IFNAR1: variants seen among roughly 807,000 people sequenced by gnomAD.
IFNAR1 encodes interferon alpha/beta receptor 1.
A neutral mutation model predicts 62.1 loss-of-function variants in IFNAR1; 47 were observed. The ratio of observed to expected loss-of-function variants is 0.76; its 90% confidence interval spans 0.60 to 0.97. The LOEUF is 0.97. IFNAR1 is among the 50% of genes least tolerant of loss of function. The pLI is 0.00. For synonymous variants in IFNAR1, 219 were observed against 226.9 expected (o/e 0.97, Z 0.31); for missense variants, 638 against 654.5 (o/e 0.97, Z 0.27).
At chr21:33,342,789 G>A (rs1462337046) in intron 3 of IFNAR1, among the ~76,000 whole-genome samples, 14 of 151,438 alleles carry the variant, frequency 9.2e-5, no homozygotes, top group Non-Finnish European at 1.5e-4. Context: ...CCCGGGAGGC[G>A]GAGCTTGCAG....
chr21:33,328,519 CA>C lies in IFNAR1; in HGVS notation c.76+3396del, dbSNP rs962920201. ...TTTACGTAACTATCTACTTTTTCCCCAAAAAAAATCATGTTGAAAACTCAAG... is the reference window on the plus strand; with the variant it reads ...TTTACGTAACTATCTACTTTTTCCCCAAAAAAATCATGTTGAAAACTCAAG... On this transcript the variant is annotated intron_variant, in intron 1 of 10. Transcript: ENST00000270139. 3.1e-4 allele frequency among the ~76,000 whole-genome samples: 47 copies of C among 151,736 alleles called. No individual in the cohort carries two copies. The East Asian group carries it at 8.5e-3, about 27-fold the overall frequency.
intron 2 of IFNAR1, among the ~76,000 whole-genome samples, chr21:33,335,918 T>C (rs1476433826): frequency 2.0e-5 from 3 of 150,348 alleles, no homozygotes; most frequent in African/African-American, 7.3e-5. Flanking sequence ...CCAGCTTCTT[T>C]TTTTTTTTTT....
intron 1 of IFNAR1, 88 bp downstream of exon 1, chr21:33,325,219 C>CAG: frequency 8.8e-7 from 1 of 1,130,520 alleles, no homozygotes; most frequent in Admixed American, 2.0e-5. Flanking sequence ...TTGGGGGCGA[C>CAG]AGACGCCCAG....
intron 3 of IFNAR1, among the ~76,000 whole-genome samples, chr21:33,341,813 C>G (rs571445483): frequency 2.3e-3 from 348 of 152,232 alleles, no homozygotes; most frequent in African/African-American, 8.0e-3. Flanking sequence ...TCCCGAGTAC[C>G]TGGGATTACC....
rs2083112012 is a variant in IFNAR1, at chr21:33,325,054, A to AGAT, written c.4_6dup. On this transcript the variant is annotated 5_prime_UTR_variant, in exon 1 of 11. It adds an upstream start codon to the 5' untranslated region. Coordinates refer to ENST00000270139, the MANE Select transcript of IFNAR1 (RefSeq NM_000629.3). ...ACTGGTGGGATCTGCGGCGGCTCCC[A>AGAT]GATGATGGTCGTCCTCCTGGGCGCG... 1 of 1,601,122 alleles carries AGAT rather than the reference A, an allele frequency of 6.2e-7. No individual in the cohort carries two copies. Among genetic ancestry groups the AGAT allele is most frequent in the African/African-American group, 1.3e-5 (1 of 74,764 alleles).
chr21:33,324,726 T>C (rs1014485473), upstream of IFNAR1: 3 of 355,902 alleles, frequency 8.4e-6, no homozygotes, highest in Non-Finnish European at 1.6e-5. Flanking sequence ...AGACCGGCCA[T>C]AGGCCGGAAA....
intron 3 of IFNAR1, among the ~76,000 whole-genome samples, chr21:33,341,460 T>G (rs563114127): frequency 6.6e-6 from 1 of 152,336 alleles, no homozygotes; most frequent in African/African-American, 2.4e-5. Flanking sequence ...TTGTTCTTTC[T>G]TGTATTCACA....
chr21:33,344,825 T>G (rs1195938491), intron 5 of IFNAR1, among the ~76,000 whole-genome samples: 1 of 148,206 alleles, frequency 6.7e-6, no homozygotes, highest in Non-Finnish European at 1.5e-5. Flanking sequence ...TCTCACTCTC[T>G]TGCCCAGAAT....
At position 33,355,358 on chromosome 21, in the gene IFNAR1, T is replaced by A. The variant is rs1295776840; in HGVS notation, c.1483T>A (p.Ser495Thr). 5 of 1,600,802 alleles carry A rather than the reference T, an allele frequency of 3.1e-6. No homozygotes were observed. Among genetic ancestry groups the A allele is most frequent in the Non-Finnish European group, 3.4e-6 (4 of 1,173,626 alleles). ...QPLKNLLLSTSEEQIEKCFII... is the reference protein window; with the variant it reads ...QPLKNLLLSTTEEQIEKCFII... ...ATTGAAGAATCTTCTGCTTTCAACT[T>A]CTGAGGAACAAATCGAAAAATGTTT... is the stretch of plus-strand genomic sequence containing the variant. The change falls in exon 11 of 11, where the codon TCT (serine) becomes ACT (threonine). Residue 495 changes from serine (S) to threonine (T), a missense_variant. By Grantham distance (58) the Ser-to-Thr change is moderately conservative. Coordinates refer to ENST00000270139, the MANE Select transcript of IFNAR1 (RefSeq NM_000629.3).
intron 8 of IFNAR1, 39 bp from the exon 9 acceptor site, chr21:33,352,719 G>T (rs973809741): frequency 8.3e-7 from 1 of 1,199,672 alleles, no homozygotes; most frequent in African/African-American, 1.5e-5. Context: ...ATTTCTTGAG[G>T]TGACTAAATT....
chr21:33,333,859 G>A (rs1044984619), intron 1 of IFNAR1, among the ~76,000 whole-genome samples: 3 of 151,850 alleles, frequency 2.0e-5, no homozygotes, highest in African/African-American at 4.8e-5. Flanking sequence ...TCCTGACCTC[G>A]TGATCCACCC....
At chr21:33,330,886 A>G (rs958399594) in intron 1 of IFNAR1, among the ~76,000 whole-genome samples, 2 of 152,150 alleles carry the variant, frequency 1.3e-5, no homozygotes, top group African/African-American at 4.8e-5. Flanking sequence ...TAGAGTCCAG[A>G]CAGCAACTAA....
At chr21:33,331,219 A>G (rs1311329353) in intron 1 of IFNAR1, among the ~76,000 whole-genome samples, 1 of 152,064 alleles carries the variant, frequency 6.6e-6, no homozygotes, top group African/African-American at 2.4e-5. Flanking sequence ...GCAGTATCCT[A>G]TTTCCTGGGA....
chr21:33,347,231 G>A (rs968420607), intron 6 of IFNAR1, among the ~76,000 whole-genome samples: 2 of 151,630 alleles, frequency 1.3e-5, no homozygotes, highest in African/African-American at 2.4e-5. Context: ...CTGGGTTCAA[G>A]TGATTCTTCT....
In IFNAR1 at chr21:33,359,611, GTTC is replaced by G. The variant is rs1218983594; in HGVS notation, c.*4068_*4070del. ...CTAAACTGTTTGCCCTTCACAAGTA[GTTC>G]TTCTTTCAGGATTAGTTCGTTCCAA... is the stretch of plus-strand genomic sequence containing the variant. On this transcript the variant is annotated 3_prime_UTR_variant, in exon 11 of 11. Transcript: ENST00000270139. 1.3e-5 allele frequency: 2 copies of G among 152,152 alleles called. No individual in the cohort carries two copies. Among genetic ancestry groups the G allele is most frequent in the Non-Finnish European group, 2.9e-5 (2 of 68,032 alleles). The allele number at this position is 152,152 out of a possible 1,614,324, so 9.4% of individuals were successfully genotyped here.
intron 5 of IFNAR1, among the ~76,000 whole-genome samples, chr21:33,344,765 C>CTTATTTATTTATTTATTTAT (rs11421099): frequency 1.3e-4 from 16 of 122,026 alleles, no homozygotes; most frequent in Non-Finnish European, 2.8e-4. Flanking sequence ...TTCTTTTTTA[C>CTTATTTATTTATTTATTTAT]TTATTTATTT....
chr21:33,347,330 G>A (rs567499421), intron 6 of IFNAR1, among the ~76,000 whole-genome samples: 36 of 152,154 alleles, frequency 2.4e-4, no homozygotes, highest in South Asian at 1.0e-3. Flanking sequence ...GGGTTTCACC[G>A]TATTGGCCAG....
In IFNAR1 at chr21:33,355,707, C is replaced by T. The variant is rs992723568; in HGVS notation, c.*158C>T. On this transcript the variant is annotated 3_prime_UTR_variant, in exon 11 of 11. Coordinates refer to ENST00000270139, the MANE Select transcript of IFNAR1 (RefSeq NM_000629.3). The stretch of plus-strand genomic sequence containing the variant: ...CATAGGTCCTAAAAATACGGGCAAG[C>T]TCTTAACTATTTAAAAATGAAATTA... The T allele has an allele frequency of 2.2e-6, 1 of 447,258 alleles. No individual in the cohort carries two copies. Among genetic ancestry groups the T allele is most frequent in the African/African-American group, 2.0e-5 (1 of 48,936 alleles). The allele number at this position is 447,258 out of a possible 1,614,324, so 27.7% of individuals were successfully genotyped here. A position where few individuals can be genotyped will look rare whatever the true frequency, so the allele number is the denominator to read the frequency against.
intron 2 of IFNAR1, among the ~76,000 whole-genome samples, chr21:33,337,039 C>T (rs2083244070): frequency 6.6e-6 from 1 of 152,092 alleles, no homozygotes; most frequent in African/African-American, 2.4e-5. Flanking sequence ...GCGTGAGCCA[C>T]TGCCCTGGCC....
Sources: allele counts gnomAD v4.1 joint callset (sites outside exome capture counted in the v4.1 genomes callset), GRCh38; gene constraint gnomAD v4.1.1; transcripts MANE v1.5; gene names NCBI Gene and HGNC (gene_info 2026-07-23, HGNC 2026-07-21).